The following ENO4 variants were observed in gnomAD, a reference collection of about 807,000 sequenced individuals.
ENO4 encodes 2-phospho-D-glycerate hydro-lyase.
In ENO4, 53 loss-of-function variants were observed where a neutral mutation model predicts 63.2. The observed-to-expected ratio is 0.84, with a 90% confidence interval of 0.67 to 1.05. ENO4 has a LOEUF of 1.05. ENO4 is among the 50% of genes least tolerant of loss of function. The pLI is 0.00. For synonymous variants in ENO4, 266 were observed against 283.8 expected (o/e 0.94, Z 0.63); for missense variants, 719 against 772.0 (o/e 0.93, Z 0.81).
chr10:116,874,306 A>G (rs1251889806), intron 10 of ENO4, 105 bp downstream of exon 10: 13 of 998,330 alleles, frequency 1.3e-5, no homozygotes, highest in Non-Finnish European at 1.8e-5. Context: ...TTATAACAAA[A>G]CAGAGAATAA....
At chr10:116,857,001 A>G (rs1416422869) in intron 3 of ENO4, among the ~76,000 whole-genome samples, 1 of 152,066 alleles carries the variant, frequency 6.6e-6, no homozygotes, top group African/African-American at 2.4e-5. Flanking sequence ...AAAAAAAAAA[A>G]AAAGAAAATC....
chr10:116,901,863 A>G, intron 10 of ENO4: 1 of 1,607,618 alleles, frequency 6.2e-7, no homozygotes, highest in Non-Finnish European at 8.5e-7. Context: ...CTGCCTCCAG[A>G]GTTTTCTTGT....
At position 116,882,384 on chromosome 10, in the gene ENO4, C is replaced by T. The variant is rs1171958746; in HGVS notation, c.*715C>T. 2.2e-5 allele frequency: 3 copies of T among 135,298 alleles called. No homozygotes were observed. Among genetic ancestry groups the T allele is most frequent in the Non-Finnish European group, 4.7e-5 (3 of 64,060 alleles). 8.4% of individuals were successfully genotyped at this position (135,298 alleles called of 1,614,324 possible). On this transcript the variant is annotated 3_prime_UTR_variant, in exon 14 of 14. Transcript: ENST00000341276. ...TATTCATACCACAGCATTTAAAAAGCAATCCGCAAGTGATAAAAAAAAAAA... is the reference window on the plus strand; with the variant it reads ...TATTCATACCACAGCATTTAAAAAGTAATCCGCAAGTGATAAAAAAAAAAA...
intron 1 of ENO4, chr10:116,850,037 G>T: frequency 3.8e-6 from 2 of 529,278 alleles, no homozygotes; most frequent in African/African-American, 1.9e-5. Context: ...AGGCCTCTCC[G>T]TTTGTGGGCC....
intron 10 of ENO4, chr10:116,900,873 AG>A (rs1446710262): frequency 1.0e-6 from 1 of 985,224 alleles, no homozygotes; most frequent in African/African-American, 1.7e-5. Context: ...AAAAGTTAAT[AG>A]TAGCAATGAG....
At chr10:116,869,587 G>A (rs1846635986) in intron 8 of ENO4, among the ~76,000 whole-genome samples, 1 of 152,164 alleles carries the variant, frequency 6.6e-6, no homozygotes. Context: ...GTAAAATCCT[G>A]TCAACAGTTT....
At position 116,881,414 on chromosome 10, in the gene ENO4, A is replaced by C. The variant is rs755229471; in HGVS notation, c.1724-101A>C. 36 of 855,380 alleles carry C rather than the reference A, an allele frequency of 4.2e-5. No homozygotes were observed. The Middle Eastern group carries it at 1.1e-3, about 26-fold the overall frequency. 53.0% of individuals were successfully genotyped at this position (855,380 alleles called of 1,614,324 possible). A position where few individuals can be genotyped will look rare whatever the true frequency, so the allele number is the denominator to read the frequency against. ...GAGTCCTTTCCGATGGTGATGTGAC[A>C]CCTTTGGACTAGTACTGAAGATGAT... On this transcript the variant is annotated intron_variant, in intron 13 of 13. Transcript: ENST00000341276.
At position 116,859,281 on chromosome 10, in the gene ENO4, C is replaced by A. The variant is rs1030916586; in HGVS notation, c.634+143C>A. 3 of 920,544 alleles carry A rather than the reference C, an allele frequency of 3.3e-6. No homozygotes were observed. In the African/African-American group the frequency reaches 5.0e-5, roughly 15 times the overall value. The allele number at this position is 920,544 out of a possible 1,614,324, so 57.0% of individuals were successfully genotyped here. ...AAAAGCCATCCATCCTATGCCACATCCTCACTCAAAGATTTTGCCCCCATC... is the reference window on the plus strand; with the variant it reads ...AAAAGCCATCCATCCTATGCCACATACTCACTCAAAGATTTTGCCCCCATC... On this transcript the variant is annotated intron_variant, in intron 4 of 13. Coordinates refer to ENST00000341276, the MANE Select transcript of ENO4 (RefSeq NM_001242699.2).
In ENO4 at chr10:116,905,683, T is replaced by C. The variant is rs181108114; in HGVS notation, c.1195-5816T>C. Reference sequence around the variant, plus strand: ...ATTTGGTCAATGTGACTCAGCATTTTCCAGATTTAAACTGTTACGATAGAC... The same window carrying C: ...ATTTGGTCAATGTGACTCAGCATTTCCCAGATTTAAACTGTTACGATAGAC... On this transcript the variant is annotated intron_variant, in intron 10 of 10. Transcript: ENST00000369207. 3.6e-3 allele frequency among the ~76,000 whole-genome samples: 550 copies of C among 152,340 alleles called. 2 individuals carry two copies. Among genetic ancestry groups the C allele is most frequent in the African/African-American group, 0.013 (524 of 41,582 alleles).
chr10:116,889,933 C>T (rs1243046433), intron 10 of ENO4, among the ~76,000 whole-genome samples: 1 of 152,166 alleles, frequency 6.6e-6, no homozygotes, highest in Non-Finnish European at 1.5e-5. Context: ...AAGACTCCTT[C>T]TGGAATGAGA....
At chr10:116,906,414 C>T (rs905477437) in intron 10 of ENO4, among the ~76,000 whole-genome samples, 35 of 152,284 alleles carry the variant, frequency 2.3e-4, no homozygotes, top group Admixed American at 7.8e-4. Context: ...TGCCTGGTTA[C>T]CTACAAATAA....
chr10:116,906,563 GAGACTT>G, intron 10 of ENO4: 1 of 1,478,292 alleles, frequency 6.8e-7, no homozygotes, highest in African/African-American at 1.4e-5. Context: ...CATGTAAAAA[GAGACTT>G]AGAAGAAGAT....
chr10:116,906,833 T>A (rs1461833422), intron 10 of ENO4: 1 of 1,094,466 alleles, frequency 9.1e-7, no homozygotes, highest in East Asian at 2.8e-5. Flanking sequence ...ATGAAAACAT[T>A]ACCAGAATTT....
intron 10 of ENO4, among the ~76,000 whole-genome samples, chr10:116,903,162 G>C (rs943872469): frequency 6.6e-6 from 1 of 152,192 alleles, no homozygotes; most frequent in Non-Finnish European, 1.5e-5. Context: ...CAAAGCATTA[G>C]TTTCTATCTT....
intron 11 of ENO4, among the ~76,000 whole-genome samples, chr10:116,877,910 C>T (rs1032836702): frequency 4.6e-5 from 7 of 152,170 alleles, no homozygotes; most frequent in African/African-American, 1.7e-4. Context: ...ATCTCACTTG[C>T]CCACAACTCT....
intron 7 of ENO4, among the ~76,000 whole-genome samples, chr10:116,864,833 A>G (rs1264572412): frequency 2.0e-5 from 3 of 152,168 alleles, no homozygotes; most frequent in African/African-American, 7.2e-5. Context: ...CAGCCTGGCC[A>G]ACATGTCAAA....
rs1203696791 is a variant in ENO4, at chr10:116,881,709, T to A, written c.*40T>A. 1 of 1,393,248 alleles carries A rather than the reference T, an allele frequency of 7.2e-7. No homozygotes were observed. The highest frequency in any genetic ancestry group is 1.5e-5 in the African/African-American group (1 of 67,734). The allele number at this position is 1,393,248 out of a possible 1,614,324, so 86.3% of individuals were successfully genotyped here. A position where few individuals can be genotyped will look rare whatever the true frequency, so the allele number is the denominator to read the frequency against. Reference sequence around the variant, plus strand: ...CAGGTTCCAGCCACACCATCAGTATTAGTAGACCGGGAGGTCTGAAGTACG... The same window carrying A: ...CAGGTTCCAGCCACACCATCAGTATAAGTAGACCGGGAGGTCTGAAGTACG... On this transcript the variant is annotated 3_prime_UTR_variant, in exon 14 of 14. Coordinates refer to ENST00000341276, the MANE Select transcript of ENO4 (RefSeq NM_001242699.2).
chr10:116,870,466 C>T (rs1338511687), intron 8 of ENO4, among the ~76,000 whole-genome samples: 1 of 152,084 alleles, frequency 6.6e-6, no homozygotes, highest in Non-Finnish European at 1.5e-5. Flanking sequence ...CACAGTGAGA[C>T]CCTGTCTCTA....
intron 4 of ENO4, among the ~76,000 whole-genome samples, chr10:116,859,851 C>T (rs901404735): frequency 1.3e-5 from 2 of 152,076 alleles, no homozygotes; most frequent in African/African-American, 4.8e-5. Context: ...AGGAAGGGAC[C>T]AAAGAGACCA....
Sources: allele counts gnomAD v4.1 joint callset (sites outside exome capture counted in the v4.1 genomes callset), GRCh38; gene constraint gnomAD v4.1.1; transcripts MANE v1.5; gene names NCBI Gene and HGNC (gene_info 2026-07-23, HGNC 2026-07-21).